Variants in ADAMTSL3 observed in about 807,000 individuals in gnomAD.
ADAMTSL3 encodes the protein ADAMTS-like protein 3.
A neutral mutation model predicts 201.7 loss-of-function variants in ADAMTSL3; 128 were observed. The observed-to-expected ratio is 0.63, with a 90% CI of 0.55 to 0.73. The LOEUF is 0.73. Ranked by LOEUF, ADAMTSL3 falls within the 30% of genes least tolerant of loss-of-function variation. ADAMTSL3 has a pLI of 0.00. For synonymous variants in ADAMTSL3, 738 were observed against 748.4 expected (o/e 0.99, Z 0.23); for missense variants, 1,990 against 2,119.6 (o/e 0.94, Z 1.20).
At chr15:83,798,788 C>T (rs1385899270) in intron 4 of ADAMTSL3, among the ~76,000 whole-genome samples, 1 of 120,612 alleles carries the variant, frequency 8.3e-6, no homozygotes, top group Admixed American at 1.1e-4. Context: ...GCCTGAGCGA[C>T]AGAGTGGGAC....
At chr15:83,865,388 C>T (rs1028448972) in intron 8 of ADAMTSL3, among the ~76,000 whole-genome samples, 1 of 152,184 alleles carries the variant, frequency 6.6e-6, no homozygotes, top group East Asian at 1.9e-4. Context: ...GTAACCAAAA[C>T]AGCATGGTAC....
At chr15:83,815,147 T>C (rs1178676144) in intron 5 of ADAMTSL3, among the ~76,000 whole-genome samples, 1 of 152,190 alleles carries the variant, frequency 6.6e-6, no homozygotes, top group African/African-American at 2.4e-5. Context: ...CCAGACTGGC[T>C]ACCTGCACTG....
At chr15:83,865,171 G>T (rs1160525787) in intron 8 of ADAMTSL3, among the ~76,000 whole-genome samples, 2 of 152,182 alleles carry the variant, frequency 1.3e-5, no homozygotes, top group Non-Finnish European at 2.9e-5. Flanking sequence ...TCAGTATCGT[G>T]AAAATGGCCA....
intron 2 of ADAMTSL3, among the ~76,000 whole-genome samples, chr15:83,675,382 T>C (rs1256714199): frequency 6.6e-6 from 1 of 150,674 alleles, no homozygotes; most frequent in Non-Finnish European, 1.5e-5. Flanking sequence ...TATGATCACA[T>C]GATTTATCTT....
chr15:83,892,076 C>G (rs2065510927), intron 12 of ADAMTSL3, among the ~76,000 whole-genome samples: 1 of 151,772 alleles, frequency 6.6e-6, no homozygotes. Context: ...ATTAGCCGGG[C>G]TTGGTGGCAG....
intron 22 of ADAMTSL3, among the ~76,000 whole-genome samples, chr15:83,989,605 T>G (rs1238901698): frequency 2.6e-5 from 4 of 152,244 alleles, no homozygotes; most frequent in Admixed American, 2.6e-4. Context: ...AGTGTGAGTC[T>G]TCTTGGGAGG....
chr15:83,801,651 AATATATATATAT>A (rs68098545), intron 4 of ADAMTSL3, among the ~76,000 whole-genome samples: 11 of 31,272 alleles, frequency 3.5e-4, no homozygotes, highest in Non-Finnish European at 6.7e-4. Context: ...TATAAATATA[AATATATATATAT>A]ATATATATAT....
intron 22 of ADAMTSL3, 62 bp from the exon 23 acceptor site, chr15:83,991,024 T>G: frequency 6.2e-7 from 1 of 1,606,002 alleles, no homozygotes; most frequent in Non-Finnish European, 8.5e-7. Flanking sequence ...CCAAATGCAA[T>G]ATGTTTTACC....
chr15:83,865,083 A>C (rs2064946415), intron 8 of ADAMTSL3, among the ~76,000 whole-genome samples: 1 of 152,150 alleles, frequency 6.6e-6, no homozygotes, highest in Admixed American at 6.5e-5. Flanking sequence ...TTCAAGGAGA[A>C]CTACAAACCA....
At chr15:83,894,780 C>A (rs2065579280) in intron 13 of ADAMTSL3, among the ~76,000 whole-genome samples, 1 of 151,338 alleles carries the variant, frequency 6.6e-6, no homozygotes, top group South Asian at 2.1e-4. Flanking sequence ...TAAAATATTC[C>A]TCTGAATTGA....
chr15:83,959,812 A>T (rs2066928579), intron 19 of ADAMTSL3, among the ~76,000 whole-genome samples: 1 of 152,216 alleles, frequency 6.6e-6, no homozygotes, highest in African/African-American at 2.4e-5. Flanking sequence ...TGAGTTGTGG[A>T]CATTCTCTGA....
intron 4 of ADAMTSL3, among the ~76,000 whole-genome samples, chr15:83,801,965 G>A (rs987849850): frequency 6.6e-6 from 1 of 151,530 alleles, no homozygotes; most frequent in Non-Finnish European, 1.5e-5. Flanking sequence ...CAAAACAAAA[G>A]TACTATAAGC....
intron 3 of ADAMTSL3, among the ~76,000 whole-genome samples, chr15:83,748,176 C>G (rs913204886): frequency 2.6e-5 from 4 of 152,122 alleles, no homozygotes; most frequent in Non-Finnish European, 1.5e-5. Flanking sequence ...TTACAAGGAG[C>G]CTGTGGGGAT....
At chr15:83,960,954 A>G (rs1171765142) in intron 19 of ADAMTSL3, among the ~76,000 whole-genome samples, 1 of 152,180 alleles carries the variant, frequency 6.6e-6, no homozygotes, top group African/African-American at 2.4e-5. Flanking sequence ...CAAGAGTCAC[A>G]TGGATAACAT....
At chr15:83,763,615 C>T (rs972010083) in intron 3 of ADAMTSL3, among the ~76,000 whole-genome samples, 2 of 151,906 alleles carry the variant, frequency 1.3e-5, no homozygotes, top group Admixed American at 6.6e-5. Context: ...CGCCATTCTC[C>T]GGCCTCAGCC....
At chr15:83,864,905 C>G (rs1256310647) in intron 8 of ADAMTSL3, among the ~76,000 whole-genome samples, 1 of 152,194 alleles carries the variant, frequency 6.6e-6, no homozygotes, top group Non-Finnish European at 1.5e-5. Flanking sequence ...TGATAGGCAA[C>G]TTCAGCAAAG....
At chr15:83,710,711 T>C (rs1337899813) in intron 3 of ADAMTSL3, among the ~76,000 whole-genome samples, 3 of 152,180 alleles carry the variant, frequency 2.0e-5, no homozygotes, top group Non-Finnish European at 2.9e-5. Context: ...TCAATATGCC[T>C]CTCTAAATTG....
chr15:83,907,939 T>G (rs1030099990), intron 15 of ADAMTSL3, among the ~76,000 whole-genome samples: 6 of 152,230 alleles, frequency 3.9e-5, no homozygotes, highest in Admixed American at 3.3e-4. Flanking sequence ...TTTTTAAGTC[T>G]TTGAGAAATC....
intron 15 of ADAMTSL3, among the ~76,000 whole-genome samples, chr15:83,907,114 A>T (rs1404717251): frequency 1.5e-5 from 2 of 131,924 alleles, no homozygotes; most frequent in African/African-American, 6.0e-5. Flanking sequence ...AAAAAAAAAA[A>T]AAGAGAGAGT....
Sources: gnomAD v4.1 joint callset for allele counts (sites outside exome capture counted in the v4.1 genomes callset) on GRCh38, gnomAD v4.1.1 for gene constraint, MANE v1.5 for transcripts, NCBI Gene and HGNC (gene_info 2026-07-23, HGNC 2026-07-21) for gene names.